The following GALNT9 variants were observed in gnomAD, a reference collection of about 807,000 sequenced individuals.
GALNT9 encodes GalNAc transferase 9.
In GALNT9, 47 loss-of-function variants were observed where a neutral mutation model predicts 63.1. The ratio of observed to expected loss-of-function variants is 0.75; its 90% confidence interval spans 0.59 to 0.95. The LOEUF is 0.95. Ranked by LOEUF, GALNT9 falls within the 40% of genes least tolerant of loss-of-function variation. The pLI is 0.00. For missense variants in GALNT9, 829 were observed against 874.8 expected (o/e 0.95, Z 0.66); for synonymous variants, 396 against 365.7 (o/e 1.08, Z -0.94).
At chr12:132,298,656 C>T (rs1263505720) in intron 1 of GALNT9, among the ~76,000 whole-genome samples, 1 of 150,206 alleles carries the variant, frequency 6.7e-6, no homozygotes, top group Non-Finnish European at 1.5e-5. Flanking sequence ...AACTCACTCC[C>T]ATAACTAACC....
chr12:132,265,124 C>A lies in GALNT9; in HGVS notation c.420-2499G>T, dbSNP rs1383193695. Among the ~76,000 whole-genome samples, 1 of 152,222 alleles carries A rather than the reference C, an allele frequency of 6.6e-6. No individual in the cohort carries two copies. The highest frequency in any genetic ancestry group is 3.2e-3 in the Middle Eastern group (1 of 316). On this transcript the variant is annotated intron_variant, in intron 2 of 10. Transcript: ENST00000328957. This position sits in a 1 kb window ranked among gnomAD's most constrained non-coding sequence, Gnocchi z 5.3. ...AATCTCGCTTTTCTGCAAGGCTCAA[C>A]CCAGCCCCAAGAAAAAGATAAAGGA...
At chr12:132,269,614 C>G (rs1879791935) in intron 2 of GALNT9, among the ~76,000 whole-genome samples, 1 of 152,216 alleles carries the variant, frequency 6.6e-6, no homozygotes, top group South Asian at 2.1e-4. Context: ...GACATGGTTT[C>G]AGCTCAAATA....
chr12:132,280,345 A>T (rs1413661003), intron 2 of GALNT9: 3 of 152,280 alleles, frequency 2.0e-5, no homozygotes. Context: ...GAGATGCCTG[A>T]AGGACAGGAG....
intron 6 of GALNT9, among the ~76,000 whole-genome samples, chr12:132,225,736 T>C (rs1877646938): frequency 8.2e-6 from 1 of 122,480 alleles, no homozygotes; most frequent in African/African-American, 3.3e-5. Context: ...CACAACACTG[T>C]ACATACACAC....
intron 4 of GALNT9, among the ~76,000 whole-genome samples, chr12:132,258,406 C>G (rs56065627): frequency 1.3e-5 from 2 of 152,220 alleles, no homozygotes; most frequent in African/African-American, 4.8e-5. Context: ...GGAGCTCGCA[C>G]GGTGTGGGAT....
At chr12:132,324,303 T>C (rs974735604) in intron 1 of GALNT9, among the ~76,000 whole-genome samples, 1 of 152,084 alleles carries the variant, frequency 6.6e-6, no homozygotes, top group African/African-American at 2.4e-5. Context: ...CAGCCAGGCA[T>C]TGCCCGGGCC....
rs572326374 is a variant in GALNT9 at position 132,201,557 on chromosome 12, G to T, written c.1264-296C>A. Reference sequence around the variant, plus strand: ...ACCCACCCGGGCCCAGGAACCTCCTGCCTGAGAAGACGGCCCTGCTCACCT... The same window carrying T: ...ACCCACCCGGGCCCAGGAACCTCCTTCCTGAGAAGACGGCCCTGCTCACCT... On this transcript the variant is annotated intron_variant, in intron 7 of 10. Transcript: ENST00000328957. 7.2e-5 allele frequency among the ~76,000 whole-genome samples: 11 copies of T among 152,294 alleles called. No individual in the cohort carries two copies. In the South Asian group the frequency reaches 1.0e-3, roughly 14 times the overall value.
chr12:132,201,358 T>A (rs997219096), intron 7 of GALNT9, 97 bp from the exon 8 acceptor site: 2 of 740,370 alleles, frequency 2.7e-6, no homozygotes, highest in Non-Finnish European at 4.6e-6. Context: ...CCAAGTGCCC[T>A]CACAGGAGCA....
chr12:132,258,088 C>T (rs1555239322), intron 4 of GALNT9, among the ~76,000 whole-genome samples: 1 of 152,210 alleles, frequency 6.6e-6, no homozygotes, highest in African/African-American at 2.4e-5. Flanking sequence ...CAAGGCCTCA[C>T]CCCTGCTGGG....
chr12:132,223,087 ACAC>A (rs1877531027), intron 6 of GALNT9, among the ~76,000 whole-genome samples: 1 of 69,182 alleles, frequency 1.4e-5, no homozygotes, highest in Non-Finnish European at 2.6e-5. Context: ...CCCCACACAC[ACAC>A]CCCACACCCT....
At chr12:132,207,155 T>C (rs1356803863) in intron 6 of GALNT9, among the ~76,000 whole-genome samples, 10 of 152,206 alleles carry the variant, frequency 6.6e-5, no homozygotes, top group Admixed American at 3.3e-4. Flanking sequence ...CCGCCGTCCT[T>C]GCCCCATAGC....
intron 6 of GALNT9, among the ~76,000 whole-genome samples, chr12:132,230,695 C>T: frequency 6.6e-6 from 1 of 152,358 alleles, no homozygotes; most frequent in Admixed American, 6.5e-5. Flanking sequence ...CCCGGTCCTC[C>T]TGTAGCTGGG....
rs1195713387 is a variant in GALNT9, at chr12:132,329,325, G to C, written c.-122C>G. The C allele has an allele frequency of 7.2e-7, 1 of 1,389,376 alleles. No individual in the cohort carries two copies. Among genetic ancestry groups the C allele is most frequent in the African/African-American group, 1.5e-5 (1 of 66,824 alleles). 86.1% of individuals were successfully genotyped at this position (1,389,376 alleles called of 1,614,324 possible). ...CGGGGCTGCGGGGGCTGCGGGGCTC[G>C]GCCGGAGCTGTCCCTTCAGCACCAG... On this transcript the variant is annotated 5_prime_UTR_variant, in exon 1 of 11. Coordinates refer to ENST00000328957, the MANE Select transcript of GALNT9 (RefSeq NM_001122636.2).
At chr12:132,304,413 G>A (rs376786652) in intron 1 of GALNT9, among the ~76,000 whole-genome samples, 58 of 37,264 alleles carry the variant, frequency 1.6e-3, no homozygotes, top group Non-Finnish European at 1.8e-3. Flanking sequence ...ACCCAGACAC[G>A]CCCTCACCCG....
chr12:132,305,127 G>A (rs1178179424), intron 1 of GALNT9, among the ~76,000 whole-genome samples: 10 of 63,656 alleles, frequency 1.6e-4, no homozygotes, highest in East Asian at 6.7e-4. Context: ...GCCCTCACCC[G>A]GGCACAGCCT....
At chr12:132,289,879 C>T (rs960396098) in intron 1 of GALNT9, among the ~76,000 whole-genome samples, 1 of 152,192 alleles carries the variant, frequency 6.6e-6, no homozygotes. Context: ...ACTGAGTCCC[C>T]GTCCCAGGAC....
chr12:132,257,948 C>T, intron 4 of GALNT9, 62 bp from the exon 5 acceptor site: 1 of 1,175,792 alleles, frequency 8.5e-7, no homozygotes. Flanking sequence ...GAGGAGGGTC[C>T]ACTCGCCCAC....
intron 6 of GALNT9, among the ~76,000 whole-genome samples, chr12:132,210,751 A>G (rs1244365503): frequency 6.6e-6 from 1 of 151,874 alleles, no homozygotes; most frequent in Non-Finnish European, 1.5e-5. Flanking sequence ...CCAAAAGCCA[A>G]ACTTGCACCA....
At chr12:132,287,708 G>T (rs1224697705) in intron 1 of GALNT9, among the ~76,000 whole-genome samples, 8 of 152,192 alleles carry the variant, frequency 5.3e-5, no homozygotes, top group African/African-American at 1.9e-4. Flanking sequence ...GGGCTGACAG[G>T]GAGGCTCCGC....
Sources: gnomAD v4.1 joint callset for allele counts (sites outside exome capture counted in the v4.1 genomes callset) on GRCh38, gnomAD v4.1.1 for gene constraint, Gnocchi (gnomAD v3.1) non-coding constraint, MANE v1.5 for transcripts, NCBI Gene and HGNC (gene_info 2026-07-23, HGNC 2026-07-21) for gene names.